The following ZNF649 variants were observed in gnomAD, a reference collection of about 807,000 sequenced individuals.
The protein encoded by ZNF649 is zinc finger protein 649.
In ZNF649, 7 loss-of-function variants were observed where a neutral mutation model predicts 14.1. The observed-to-expected ratio is 0.49, with a 90% CI of 0.28 to 0.93. ZNF649 has a LOEUF of 0.93. Among genes scored for constraint, ZNF649 ranks in the 40% least tolerant of loss-of-function variants. The pLI is 0.10. For missense variants in ZNF649, 544 were observed against 608.1 expected (o/e 0.89, Z 1.11); for synonymous variants, 227 against 212.3 (o/e 1.07, Z -0.60).
At position 51,890,926 on chromosome 19, in the gene ZNF649, A is replaced by G; in HGVS notation, c.1210T>C (p.Cys404Arg). 1 of 1,614,106 alleles carries G rather than the reference A, an allele frequency of 6.2e-7. No homozygotes were observed. The highest frequency in any genetic ancestry group is 8.5e-7 in the Non-Finnish European group (1 of 1,180,000). Residue 404 changes from cysteine (C) to arginine (R), a missense_variant, in exon 5 of 5, where the codon TGC becomes CGC. Transcript: ENST00000354957. Reference sequence around the variant, plus strand: ...AGGAAGGCTTTCCCACAGTCACTGCATTTATAGGGTTTCTCTCCTGAGTGA... The same window carrying G: ...AGGAAGGCTTTCCCACAGTCACTGCGTTTATAGGGTTTCTCTCCTGAGTGA... The part of the protein sequence containing the change: ...KIHSGEKPYK[C>R]SDCGKAFLTK...
chr19:51,897,067 C>T (rs1353849436), intron 2 of ZNF649, 89 bp from the exon 3 acceptor site: 2 of 1,558,348 alleles, frequency 1.3e-6, no homozygotes, highest in Admixed American at 1.7e-5. Flanking sequence ...ACCACATAAG[C>T]TGCACCTGCA....
At position 51,900,246 on chromosome 19, in the gene ZNF649, A is replaced by T; in HGVS notation, c.-139T>A. 9.6e-6 allele frequency: 6 copies of T among 623,938 alleles called. No homozygotes were observed. The highest frequency in any genetic ancestry group is 1.5e-5 in the Non-Finnish European group (6 of 390,998). 38.7% of individuals were successfully genotyped at this position (623,938 alleles called of 1,614,324 possible). ...GAAATGATGACATCCACATCCAGGA[A>T]CCTCCTCCTTCCTTCATTTGAACTC... On this transcript the variant is annotated 5_prime_UTR_variant, in exon 2 of 5. Transcript: ENST00000354957.
chr19:51,895,033 T>C (rs1354588444), intron 4 of ZNF649, among the ~76,000 whole-genome samples: 1 of 152,188 alleles, frequency 6.6e-6, no homozygotes, highest in Non-Finnish European at 1.5e-5. Flanking sequence ...GATGAAGAAA[T>C]GCATGAATGA....
chr19:51,896,734 A>G, intron 3 of ZNF649, 118 bp downstream of exon 3: 1 of 1,603,664 alleles, frequency 6.2e-7, no homozygotes, highest in Non-Finnish European at 8.5e-7. Context: ...GGGACCAGAG[A>G]CGGGCCTGAG....
intron 4 of ZNF649, among the ~76,000 whole-genome samples, chr19:51,895,800 C>T (rs914461234): frequency 6.6e-6 from 1 of 152,014 alleles, no homozygotes; most frequent in Admixed American, 6.6e-5. Context: ...CACACATACA[C>T]ATATATACAC....
intron 1 of ZNF649, among the ~76,000 whole-genome samples, chr19:51,901,634 G>C (rs1054115740): frequency 2.0e-5 from 3 of 151,710 alleles, no homozygotes; most frequent in Non-Finnish European, 4.4e-5. Context: ...AACAGAGCAA[G>C]ACCCTGTCTC....
At chr19:51,902,602 A>T (rs893817360) in intron 1 of ZNF649, among the ~76,000 whole-genome samples, 3 of 152,196 alleles carry the variant, frequency 2.0e-5, no homozygotes, top group Non-Finnish European at 4.4e-5. Flanking sequence ...AGTAAATCTG[A>T]TTTTCAATGT....
intron 1 of ZNF649, among the ~76,000 whole-genome samples, chr19:51,902,531 C>T (rs1477846948): frequency 1.3e-5 from 2 of 152,214 alleles, no homozygotes; most frequent in Non-Finnish European, 2.9e-5. Context: ...TCTAGAAAAA[C>T]GAAGTGCAGC....
chr19:51,899,762 T>A (rs16983219), intron 2 of ZNF649: 17,548 of 271,942 alleles, frequency 0.065, 2,631 homozygotes, highest in African/African-American at 0.33. Flanking sequence ...ACGGACCCGC[T>A]TTCTCCTCAG....
At chr19:51,896,684 C>CT (rs1326657372) in intron 3 of ZNF649, 117 bp from the exon 4 acceptor site, 1 of 1,560,272 alleles carries the variant, frequency 6.4e-7, no homozygotes, top group South Asian at 1.1e-5. Flanking sequence ...AAATTAAAGG[C>CT]TTTTTTTCTA....
In ZNF649 at chr19:51,896,467, C is replaced by T. The variant is rs2085063036; in HGVS notation, c.238+5G>A. 2 of 1,613,770 alleles carry T rather than the reference C, an allele frequency of 1.2e-6. No individual in the cohort carries two copies. On this transcript the variant is annotated splice_donor_5th_base_variant and intron_variant, in intron 4 of 4. Transcript: ENST00000354957. ...TTCCCCTCTTGCTGGTTCTCTCTCA[C>T]TTACCTGGGTGGGCTGGACTGTGGA...
intron 4 of ZNF649, chr19:51,896,124 T>A: frequency 4.2e-6 from 1 of 236,720 alleles, no homozygotes; most frequent in South Asian, 5.4e-5. Flanking sequence ...AGTGACTATG[T>A]GACAGAGAAA....
At chr19:51,902,917 C>T (rs79084419) in intron 1 of ZNF649, among the ~76,000 whole-genome samples, 13,336 of 152,000 alleles carry the variant, frequency 0.088, 1,835 homozygotes, top group African/African-American at 0.29. Context: ...TTTCCCAAGG[C>T]GACCTACTAG....
intron 1 of ZNF649, among the ~76,000 whole-genome samples, chr19:51,901,000 G>A (rs1334529845): frequency 1.3e-5 from 2 of 152,172 alleles, no homozygotes; most frequent in Non-Finnish European, 2.9e-5. Context: ...AAGGTAAAAG[G>A]TACATGTGGC....
chr19:51,901,150 G>T (rs531856106), intron 1 of ZNF649, among the ~76,000 whole-genome samples: 1 of 152,308 alleles, frequency 6.6e-6, no homozygotes, highest in African/African-American at 2.4e-5. Flanking sequence ...GAGAGAGATT[G>T]TGTGCCATGG....
At chr19:51,892,099 G>A (rs957635433) in intron 4 of ZNF649, among the ~76,000 whole-genome samples, 7 of 152,132 alleles carry the variant, frequency 4.6e-5, no homozygotes, top group Non-Finnish European at 7.3e-5. Flanking sequence ...TTGCCAGCTG[G>A]GTGCGGTGGC....
At position 51,896,897 on chromosome 19, in the gene ZNF649, A is replaced by G. The variant is rs1387312781; in HGVS notation, c.97T>C (p.Tyr33His). Residue 33 changes from tyrosine to histidine, a missense_variant, in exon 3 of 5, where the codon TAC (tyrosine) becomes CAC (histidine). Tyr to His is a moderately conservative substitution (Grantham distance 83, BLOSUM62 2). Transcript: ENST00000354957. Reference protein sequence around the residue: ...QFLSPAQKDLYRDVMLENYSN... With the variant: ...QFLSPAQKDLHRDVMLENYSN... Reference sequence around the variant, plus strand: ...TAGTTCTCCAACATCACATCCCGGTACAGGTCCTTCTGAGCAGGGCTCAGG... The same window carrying G: ...TAGTTCTCCAACATCACATCCCGGTGCAGGTCCTTCTGAGCAGGGCTCAGG... 2.5e-6 allele frequency: 4 copies of G among 1,614,198 alleles called. No individual in the cohort carries two copies. Among genetic ancestry groups the G allele is most frequent in the Non-Finnish European group, 3.4e-6 (4 of 1,180,022 alleles).
At chr19:51,900,730 C>T (rs994964502) in intron 1 of ZNF649, among the ~76,000 whole-genome samples, 1 of 152,098 alleles carries the variant, frequency 6.6e-6, no homozygotes, top group African/African-American at 2.4e-5. Context: ...GTGAGACACA[C>T]AGAGAAGAAA....
Position 51,891,135 on chromosome 19 carries a change from T to C in ZNF649, c.1001A>G (p.Asn334Ser). ...TCCAGTGTGAGTTCGTTGATGTATG[T>C]TGAGATTGCCCTTCTGAATGAAGCC... The part of the protein sequence containing the change: ...GKGFIQKGNL[N>S]IHQRTHTGEK... Residue 334 changes from asparagine (N) to serine (S), a missense_variant, in exon 5 of 5, where the codon AAC becomes AGC. Physicochemically the swap from Asn to Ser is conservative, Grantham distance 46 (BLOSUM62 1). Transcript: ENST00000354957. The surrounding 1 kb of genome is among the most constrained non-coding windows in gnomAD (Gnocchi z 4.2). 1.9e-6 allele frequency: 3 copies of C among 1,614,156 alleles called. No homozygotes were observed. Among genetic ancestry groups the C allele is most frequent in the Non-Finnish European group, 2.5e-6 (3 of 1,180,012 alleles).
Sources: gnomAD v4.1 joint callset for allele counts (sites outside exome capture counted in the v4.1 genomes callset) on GRCh38, gnomAD v4.1.1 for gene constraint, Gnocchi (gnomAD v3.1) non-coding constraint, MANE v1.5 for transcripts, NCBI Gene and HGNC (gene_info 2026-07-23, HGNC 2026-07-21) for gene names.